Variants in G2E3 observed in about 807,000 individuals in gnomAD.
G2E3 encodes the protein G2/M phase-specific E3 ubiquitin-protein ligase.
G2E3 carries 35 observed loss-of-function variants against 92.8 expected under a neutral mutation model. The ratio of observed to expected loss-of-function variants is 0.38; its 90% CI spans 0.29 to 0.50. The LOEUF (loss-of-function observed/expected upper bound fraction) is 0.50. Ranked by LOEUF, G2E3 falls within the 20% of genes least tolerant of loss-of-function variation. The pLI is 0.94. For synonymous variants in G2E3, 242 were observed against 272.4 expected, an observed-to-expected ratio of 0.89 and a Z score of 1.10; for missense variants, 554 against 823.8, an observed-to-expected ratio of 0.67 and a Z score of 4.01.
At chr14:30,590,695 C>T (rs1207463974) in intron 4 of G2E3, 1 of 455,682 alleles carries the variant, frequency 2.2e-6, no homozygotes, top group South Asian at 1.5e-5. Context: ...AACAGAGGTT[C>T]TAGGGCACAA....
intron 1 of G2E3, among the ~76,000 whole-genome samples, chr14:30,565,153 AATT>A (rs902906686): frequency 5.9e-5 from 9 of 152,266 alleles, no homozygotes; most frequent in Middle Eastern, 3.4e-3. Context: ...AGTTTGTAAA[AATT>A]ATTATTATAG....
In G2E3 at chr14:30,616,283, A is replaced by G; in HGVS notation, c.1870A>G (p.Lys624Glu). ...NSYLQAVEDG[K>E]STTTMEDILI... ...TTATTGGTAAATTTTTTCAGATGGT[A>G]AATCTACAACAACAATGGAAGACAT... The change falls in exon 15 of 15, where the codon AAA (lysine) becomes GAA (glutamate). Residue 624 changes from lysine (K) to glutamate (E), a missense_variant. Physicochemically the swap from Lys to Glu is moderately conservative, Grantham distance 56. Coordinates refer to ENST00000206595, the MANE Select transcript of G2E3 (RefSeq NM_017769.5). The G allele has an allele frequency of 6.2e-7, 1 of 1,602,260 alleles. No homozygotes were observed. The highest frequency in any genetic ancestry group is 1.3e-5 in the African/African-American group (1 of 74,654).
Position 30,586,782 on chromosome 14 carries a change from G to T in G2E3, c.102G>T (p.Glu34Asp), listed in dbSNP as rs763733235. 1 of 1,418,342 alleles carries T rather than the reference G, an allele frequency of 7.1e-7. No homozygotes were observed. Among genetic ancestry groups the T allele is most frequent in the Admixed American group, 2.1e-5 (1 of 48,494 alleles). 87.9% of individuals were successfully genotyped at this position (1,418,342 alleles called of 1,614,324 possible). ...PNKYGEKKTK[E>D]KWNLTVHYYC... ...AATACGGAGAAAAGAAAACTAAGGA[G>T]AAATGGAATCTCACTGTACATTACT... Residue 34 changes from glutamate (E) to aspartate (D), a missense_variant, in exon 3 of 15, where the codon GAG becomes GAT. Glu to Asp is a conservative substitution (Grantham distance 45). This residue lies in a region of G2E3 where 137 missense variants were observed against 201.3 expected (regional missense o/e 0.68). Coordinates refer to ENST00000206595, the MANE Select transcript of G2E3 (RefSeq NM_017769.5).
intron 3 of G2E3, among the ~76,000 whole-genome samples, chr14:30,587,847 A>G (rs553722745): frequency 6.6e-6 from 1 of 152,166 alleles, no homozygotes; most frequent in Non-Finnish European, 1.5e-5. Flanking sequence ...CCACACACTA[A>G]TGTCACTTTT....
intron 4 of G2E3, among the ~76,000 whole-genome samples, chr14:30,589,808 TCTG>T (rs1232679220): frequency 6.6e-6 from 1 of 152,066 alleles, no homozygotes; most frequent in Non-Finnish European, 1.5e-5. Context: ...ATAACTCCAC[TCTG>T]CTGTTCTCTA....
intron 8 of G2E3, among the ~76,000 whole-genome samples, chr14:30,600,847 T>C (rs1428990936): frequency 6.6e-6 from 1 of 152,242 alleles, no homozygotes; most frequent in Admixed American, 6.5e-5. Flanking sequence ...GACCCCTCTG[T>C]GCCTTGATTT....
At chr14:30,575,365 G>A (rs1030502829) in intron 1 of G2E3, among the ~76,000 whole-genome samples, 1 of 152,038 alleles carries the variant, frequency 6.6e-6, no homozygotes, top group African/African-American at 2.4e-5. Flanking sequence ...TACATATTGA[G>A]GGAACATACC....
intron 1 of G2E3, among the ~76,000 whole-genome samples, chr14:30,563,030 T>G (rs1879206172): frequency 6.6e-6 from 1 of 151,990 alleles, no homozygotes; most frequent in Non-Finnish European, 1.5e-5. Context: ...GTGATAGTGG[T>G]CCCCCGGGCC....
At chr14:30,576,503 A>G (rs913220799) in intron 1 of G2E3, among the ~76,000 whole-genome samples, 1 of 152,250 alleles carries the variant, frequency 6.6e-6, no homozygotes, top group Non-Finnish European at 1.5e-5. Context: ...TCGCAACAAA[A>G]GCAAAAATTG....
rs142310689 is a variant in G2E3 at position 30,606,547 on chromosome 14, A to G, written c.1318+735A>G. 9.2e-4 allele frequency among the ~76,000 whole-genome samples: 140 copies of G among 152,228 alleles called. 2 individuals are homozygous for G. In the East Asian group the frequency reaches 0.02, roughly 22 times the overall value. ...AAATAAAATGTAAAAATAAAGAAAA[A>G]ACTTTCCAAATAGTAATGTTAACTC... is the stretch of plus-strand genomic sequence containing the variant. On this transcript the variant is annotated intron_variant, in intron 11 of 14. Transcript: ENST00000206595.
chr14:30,595,993 C>T (rs1881261858), intron 6 of G2E3, among the ~76,000 whole-genome samples: 1 of 151,884 alleles, frequency 6.6e-6, no homozygotes, highest in Non-Finnish European at 1.5e-5. Flanking sequence ...TCCTCTATAC[C>T]AGATACTTCC....
rs551980603 is a variant in G2E3 at position 30,618,357 on chromosome 14, A to G, written c.*1823A>G. ...TTATTCCAAATATGTTGATAAAAAG[A>G]TATTTGTTTCTTTATCCACCTTATT... On this transcript the variant is annotated 3_prime_UTR_variant, in exon 15 of 15. Transcript: ENST00000206595. The G allele has an allele frequency of 1.3e-5, 2 of 152,200 alleles. No homozygotes were observed. The highest frequency in any genetic ancestry group is 4.8e-5 in the African/African-American group (2 of 41,522). The allele number at this position is 152,200 out of a possible 1,614,324, so 9.4% of individuals were successfully genotyped here.
intron 1 of G2E3, among the ~76,000 whole-genome samples, chr14:30,563,679 TG>T (rs1480560538): frequency 1.3e-5 from 2 of 149,858 alleles, no homozygotes; most frequent in Non-Finnish European, 3.0e-5. Context: ...AATGTAAACT[TG>T]TAACTTTGTT....
chr14:30,591,778 A>G (rs2138850828), intron 4 of G2E3, among the ~76,000 whole-genome samples: 1 of 152,330 alleles, frequency 6.6e-6, no homozygotes, highest in Non-Finnish European at 1.5e-5. Context: ...CAAAGACCGT[A>G]TTTCCAAGTA....
Position 30,597,451 on chromosome 14 carries a change from T to G in G2E3, c.560T>G (p.Phe187Cys), listed in dbSNP as rs1204811395. 6.3e-7 allele frequency: 1 copy of G among 1,593,372 alleles called. No individual in the cohort carries two copies. Among genetic ancestry groups the G allele is most frequent in the East Asian group, 2.2e-5 (1 of 44,694 alleles). ...VQAINAGVFF[F>C]RCTICNNSDI... is the part of the protein sequence containing the mutation. ...GCAATAAATGCGGGAGTGTTTTTCT[T>G]TAGGTGTACAATATGCAATAATAGT... The change falls in exon 7 of 15, where the codon TTT (phenylalanine) becomes TGT (cysteine). Residue 187 changes from phenylalanine (F) to cysteine (C), a missense_variant. Phe to Cys is a radical substitution (Grantham distance 205). This residue lies in a region of G2E3 where 20 missense variants were observed against 62.3 expected (regional missense o/e 0.32). Transcript: ENST00000206595.
intron 12 of G2E3, among the ~76,000 whole-genome samples, chr14:30,608,554 G>A (rs1442298749): frequency 6.6e-6 from 1 of 152,174 alleles, no homozygotes; most frequent in Admixed American, 6.5e-5. Context: ...CTTCCAAAGG[G>A]AAACAAGTGG....
At chr14:30,601,669 G>C (rs549011892) in intron 8 of G2E3, 101 bp from the exon 9 acceptor site, 1 of 1,061,578 alleles carries the variant, frequency 9.4e-7, no homozygotes, top group Non-Finnish European at 1.5e-6. Context: ...GGGCGGGTGT[G>C]TGCGTGTTTG....
intron 1 of G2E3, 153 bp from the exon 2 acceptor site, chr14:30,580,923 A>G (rs113814923): frequency 8.5e-6 from 5 of 590,618 alleles, no homozygotes; most frequent in South Asian, 3.8e-5. Flanking sequence ...CCAGTTGAGA[A>G]CTACTGATCT....
At chr14:30,587,797 A>G (rs1277910352) in intron 3 of G2E3, among the ~76,000 whole-genome samples, 1 of 152,184 alleles carries the variant, frequency 6.6e-6, no homozygotes, top group East Asian at 1.9e-4. Flanking sequence ...AGACAGAGAG[A>G]GAGAAATCAA....
Sources: gnomAD v4.1 joint callset for allele counts (sites outside exome capture counted in the v4.1 genomes callset) on GRCh38, gnomAD v4.1.1 for gene constraint, gnomAD v4.1.1 regional missense constraint, MANE v1.5 for transcripts, NCBI Gene and HGNC (gene_info 2026-07-23, HGNC 2026-07-21) for gene names.